The following NOL8 variants were observed in gnomAD, a reference collection of about 807,000 sequenced individuals.
The protein encoded by NOL8 is nucleolar protein Nop132.
In NOL8, 93 loss-of-function variants were observed where a neutral mutation model predicts 116.1. The observed-to-expected ratio is 0.80, with a 90% confidence interval of 0.68 to 0.95. The LOEUF is 0.95. Among genes scored for constraint, NOL8 ranks in the 40% least tolerant of loss-of-function variants. The probability of loss-of-function intolerance (pLI) is 0.00; values close to 1 mark genes in which losing one functional copy is unlikely to be tolerated. For synonymous variants in NOL8, 419 were observed against 469.0 expected (o/e 0.89, Z 1.38); for missense variants, 1,291 against 1,382.8 (o/e 0.93, Z 1.05).
At chr9:92,317,772 T>C (rs913395297) in intron 6 of NOL8, among the ~76,000 whole-genome samples, 43 of 152,064 alleles carry the variant, frequency 2.8e-4, no homozygotes, top group African/African-American at 7.0e-4. Context: ...CGGTGGCTCA[T>C]GCCTGTAATC....
chr9:92,321,126 C>G (rs974951617), intron 4 of NOL8, among the ~76,000 whole-genome samples: 1 of 152,196 alleles, frequency 6.6e-6, no homozygotes. Context: ...TCAAAATCAA[C>G]ATATGCAATT....
intron 11 of NOL8, 55 bp from the exon 12 acceptor site, chr9:92,305,885 AAAAGTAAGTAG>A: frequency 8.5e-7 from 1 of 1,180,254 alleles, no homozygotes; most frequent in Non-Finnish European, 1.3e-6. Flanking sequence ...CACTAATACA[AAAAGTAAGTAG>A]CAAATTATAA....
intron 16 of NOL8, 63 bp from the exon 17 acceptor site, chr9:92,297,949 G>T: frequency 1.5e-6 from 2 of 1,355,622 alleles, no homozygotes; most frequent in Non-Finnish European, 1.0e-6. Flanking sequence ...TCAGTAGATA[G>T]AAGTAAAACA....
chr9:92,321,474 G>A (rs1390488126), intron 4 of NOL8, among the ~76,000 whole-genome samples, 194 bp downstream of exon 4: 2 of 152,080 alleles, frequency 1.3e-5, no homozygotes, highest in East Asian at 1.9e-4. Context: ...ACATACATAC[G>A]TAAATGCATG....
At chr9:92,308,430 C>T (rs914941355) in intron 10 of NOL8, among the ~76,000 whole-genome samples, 4 of 152,208 alleles carry the variant, frequency 2.6e-5, no homozygotes, top group African/African-American at 7.2e-5. Flanking sequence ...AGAATGGACA[C>T]GCCATCAACG....
At chr9:92,321,015 A>T (rs1003805238) in intron 4 of NOL8, among the ~76,000 whole-genome samples, 5 of 152,230 alleles carry the variant, frequency 3.3e-5, no homozygotes, top group African/African-American at 1.2e-4. Context: ...TTTTTATAAT[A>T]CATTGTCTTG....
intron 3 of NOL8, among the ~76,000 whole-genome samples, chr9:92,322,349 C>A (rs968264393): frequency 1.3e-5 from 2 of 152,198 alleles, no homozygotes; most frequent in African/African-American, 4.8e-5. Context: ...GTGGTAGATA[C>A]TGTACTAAGT....
chr9:92,321,437 A>C (rs1029215614), intron 4 of NOL8, among the ~76,000 whole-genome samples: 2 of 152,226 alleles, frequency 1.3e-5, no homozygotes, highest in African/African-American at 2.4e-5. Flanking sequence ...AGAGAAAATA[A>C]GTACATATAT....
chr9:92,298,910 A>T lies in NOL8; in HGVS notation c.3347T>A (p.Phe1116Tyr). 1.3e-6 allele frequency: 2 copies of T among 1,539,214 alleles called. No individual in the cohort carries two copies. Among genetic ancestry groups the T allele is most frequent in the African/African-American group, 2.7e-5 (2 of 72,848 alleles). The change falls in exon 15 of 17, where the codon TTC (phenylalanine) becomes TAC (tyrosine). Residue 1116 changes from phenylalanine (F) to tyrosine (Y), a missense_variant. Phe to Tyr is a conservative substitution (Grantham distance 22). Coordinates refer to ENST00000442668, the MANE Select transcript of NOL8 (RefSeq NM_017948.6). ...TTGAAGTCGTTCATCATTCTTAGAG[A>T]AAAAGAAAAATCTAGTGGTCTCTTT... ...LEKETTRFFFFSKNDERLQGS... is the reference protein window; with the variant it reads ...LEKETTRFFFYSKNDERLQGS...
intron 12 of NOL8, among the ~76,000 whole-genome samples, chr9:92,303,292 A>T (rs948724151): frequency 6.6e-6 from 1 of 152,228 alleles, no homozygotes; most frequent in African/African-American, 2.4e-5. Context: ...ACTATAGTCC[A>T]TGGGCCAAGT....
Position 92,310,230 on chromosome 9 carries a change from T to G in NOL8, c.2627A>C (p.Asp876Ala), listed in dbSNP as rs536581062. 3 of 1,610,138 alleles carry G rather than the reference T, an allele frequency of 1.9e-6. No homozygotes were observed. In the African/African-American group the frequency reaches 4.0e-5, roughly 22 times the overall value. The change falls in exon 10 of 17, where the codon GAT becomes GCT. Residue 876 changes from aspartate (D) to alanine (A), a missense_variant. Coordinates refer to ENST00000442668, the MANE Select transcript of NOL8 (RefSeq NM_017948.6). Reference sequence around the variant, plus strand: ...TCGAGAGTCCATGCGGAATCTGTCATCGGTGCCAAAGTGCGACTGTAAATC... The same window carrying G: ...TCGAGAGTCCATGCGGAATCTGTCAGCGGTGCCAAAGTGCGACTGTAAATC... ...LMDLQSHFGT[D>A]DRFRMDSRFL...
chr9:92,314,210 A>G (rs552888900), intron 7 of NOL8, 57 bp downstream of exon 7: 1 of 1,499,284 alleles, frequency 6.7e-7, no homozygotes, highest in African/African-American at 1.4e-5. Context: ...CTTCATGGGA[A>G]AGAAAAGCTG....
Position 92,316,065 on chromosome 9 carries a change from G to A in NOL8, c.560C>T (p.Pro187Leu), listed in dbSNP as rs1839377036. The A allele has an allele frequency of 3.1e-6, 5 of 1,613,840 alleles. No homozygotes were observed. Among genetic ancestry groups the A allele is most frequent in the Admixed American group, 1.7e-5 (1 of 60,002 alleles). Reference protein sequence around the residue: ...KIGEDFSNTIPISSLTWELEG... With the variant: ...KIGEDFSNTILISSLTWELEG... Reference sequence around the variant, plus strand: ...TAATTCCCAAGTCAGGCTGGATATAGGAATGGTGTTTGAGAAATCCTCCCC... The same window carrying A: ...TAATTCCCAAGTCAGGCTGGATATAAGAATGGTGTTTGAGAAATCCTCCCC... The change falls in exon 7 of 17, where the codon CCT becomes CTT. Residue 187 changes from proline to leucine, a missense_variant. Coordinates refer to ENST00000442668, the MANE Select transcript of NOL8 (RefSeq NM_017948.6).
chr9:92,315,987 AAGTC>A lies in NOL8; in HGVS notation c.634_637del (p.Asp212PhefsTer8). 1.2e-6 allele frequency: 2 copies of A among 1,613,910 alleles called. No individual in the cohort carries two copies. Among genetic ancestry groups the A allele is most frequent in the Non-Finnish European group, 1.7e-6 (2 of 1,179,870 alleles). ...TATTATCTTCTTGGGAGGGCCATGA[AAGTC>A]AGAGAACTCTCCTCGCCGTTTCTTA... On this transcript the variant is annotated frameshift_variant, in exon 7 of 17. Transcript: ENST00000442668. LOFTEE classifies it high-confidence loss of function.
In NOL8 at chr9:92,324,127, A is replaced by G; in HGVS notation, c.35T>C (p.Val12Ala). 6.2e-7 allele frequency: 1 copy of G among 1,613,994 alleles called. No homozygotes were observed. The highest frequency in any genetic ancestry group is 1.1e-5 in the South Asian group (1 of 91,072). Residue 12 changes from valine (V) to alanine (A), a missense_variant, in exon 2 of 17, where the codon GTG becomes GCG. By Grantham distance (64) the Val-to-Ala change is moderately conservative (BLOSUM62 0). Coordinates refer to ENST00000442668, the MANE Select transcript of NOL8 (RefSeq NM_017948.6). ...KVNRETKRLY[V>A]GGLSQDISEA... ...AGAAATGTCCTGGCTAAGGCCACCC[A>G]CATAAAGGCGCTTCGTTTCTCTGTT...
intron 7 of NOL8, among the ~76,000 whole-genome samples, chr9:92,311,921 T>C (rs1051840769): frequency 6.6e-6 from 1 of 152,150 alleles, no homozygotes; most frequent in African/African-American, 2.4e-5. Flanking sequence ...GGAGTACTAT[T>C]CATAATAGCA....
Position 92,316,111 on chromosome 9 carries a change from A to G in NOL8, c.514T>C (p.Cys172Arg), listed in dbSNP as rs1839383688. 11 of 1,613,604 alleles carry G rather than the reference A, an allele frequency of 6.8e-6. No individual in the cohort carries two copies. The highest frequency in any genetic ancestry group is 1.1e-5 in the South Asian group (1 of 91,052). ...KIIKYDPSKY[C>R]HNLKKIGEDF... ...TCCCCTATCTTCTTCAGGTTGTGGCAGTATTTTGAGGGATCATATTTGATG... is the reference window on the plus strand; with the variant it reads ...TCCCCTATCTTCTTCAGGTTGTGGCGGTATTTTGAGGGATCATATTTGATG... The change falls in exon 7 of 17, where the codon TGC becomes CGC. Residue 172 changes from cysteine (C) to arginine (R), a missense_variant. Cys to Arg is a radical substitution (Grantham distance 180, BLOSUM62 -3). Transcript: ENST00000442668.
rs1173048940 is a variant in NOL8 at position 92,314,758 on chromosome 9, A to C, written c.1867T>G (p.Ser623Ala). 1 of 1,613,790 alleles carries C rather than the reference A, an allele frequency of 6.2e-7. No homozygotes were observed. Among genetic ancestry groups the C allele is most frequent in the Non-Finnish European group, 8.5e-7 (1 of 1,179,854 alleles). ...MEDGSPYVNG[S>A]LGEVTPCQHA... ...TGGCATGGAGTCACTTCACCTAATG[A>C]GCCATTAACATATGGGGACCCATCT... is the stretch of plus-strand genomic sequence containing the variant. Residue 623 changes from serine to alanine, a missense_variant, in exon 7 of 17, where the codon TCA (serine) becomes GCA (alanine). Ser to Ala is a moderately conservative substitution (Grantham distance 99). Transcript: ENST00000442668.
intron 7 of NOL8, among the ~76,000 whole-genome samples, chr9:92,313,895 C>A (rs1839097872): frequency 6.6e-6 from 1 of 152,200 alleles, no homozygotes; most frequent in Admixed American, 6.5e-5. Flanking sequence ...GGCAAGATCA[C>A]CATCCTCATA....
Sources: allele counts gnomAD v4.1 joint callset (sites outside exome capture counted in the v4.1 genomes callset), GRCh38; gene constraint gnomAD v4.1.1; transcripts MANE v1.5; gene names NCBI Gene and HGNC (gene_info 2026-07-23, HGNC 2026-07-21).